The following AIRE variants were observed in gnomAD, a reference collection of about 807,000 sequenced individuals.
AIRE encodes autoimmune regulator, also known as autoimmune polyendocrinopathy candidiasis ectodermal dystrophy protein.
AIRE carries 52 observed loss-of-function variants against 62.1 expected under a neutral mutation model. The ratio of observed to expected loss-of-function variants is 0.84; its 90% confidence interval spans 0.67 to 1.06. The LOEUF is 1.06. AIRE is among the 50% of genes least tolerant of loss of function. The pLI, the probability that AIRE is intolerant of heterozygous loss-of-function variation, is 0.00. For missense variants in AIRE, 774 were observed against 755.8 expected, an observed-to-expected ratio of 1.02 and a Z score of -0.28; for synonymous variants, 342 against 321.6, an observed-to-expected ratio of 1.06 and a Z score of -0.68.
intron 10 of AIRE, among the ~76,000 whole-genome samples, chr21:44,293,566 T>C (rs1482920423): frequency 6.6e-6 from 1 of 152,082 alleles, no homozygotes; most frequent in Non-Finnish European, 1.5e-5. Flanking sequence ...GGCGCCAGGC[T>C]TGCAGGCAGC....
rs758813866 is a variant in AIRE at position 44,297,758 on chromosome 21, G to C, written c.*31G>C. 6.3e-7 allele frequency: 1 copy of C among 1,588,316 alleles called. No individual in the cohort carries two copies. The highest frequency in any genetic ancestry group is 1.1e-5 in the South Asian group (1 of 90,556). On this transcript the variant is annotated 3_prime_UTR_variant, in exon 14 of 14. Transcript: ENST00000291582. The surrounding 1 kb of genome is among the most constrained non-coding windows in gnomAD (Gnocchi z 4.8). ...GATGGCCGGGACATGCAGCTCTGAT[G>C]AGAGAGTGCTGAGAAGGACACCTCC... is the stretch of plus-strand genomic sequence containing the variant.
chr21:44,293,523 G>A (rs1332691178), intron 10 of AIRE, among the ~76,000 whole-genome samples: 5 of 152,088 alleles, frequency 3.3e-5, no homozygotes, highest in Non-Finnish European at 7.4e-5. Context: ...AGCCCCAAAG[G>A]AGGCCAGGCC....
rs776836665 is a variant in AIRE at position 44,286,706 on chromosome 21, G to A, written c.282G>A (p.Gln94=). 2 of 1,612,994 alleles carry A rather than the reference G, an allele frequency of 1.2e-6. No individual in the cohort carries two copies. Among genetic ancestry groups the A allele is most frequent in the African/African-American group, 1.3e-5 (1 of 75,052 alleles). ...DYNLERYGRL[Q]PILDSFPKDV... Reference sequence around the variant, plus strand: ...ACCTGGAGCGCTATGGCCGGCTGCAGCCCATCCTGGACAGCTTCCCCAAAG... The same window carrying A: ...ACCTGGAGCGCTATGGCCGGCTGCAACCCATCCTGGACAGCTTCCCCAAAG... Residue 94 remains glutamine, a synonymous_variant, in exon 2 of 14, where the codon CAG becomes CAA. Coordinates refer to ENST00000291582, the MANE Select transcript of AIRE (RefSeq NM_000383.4). This position sits in a 1 kb window ranked among gnomAD's most constrained non-coding sequence, Gnocchi z 6.0.
At chr21:44,295,894 T>C (rs1157617695) in intron 12 of AIRE, among the ~76,000 whole-genome samples, 1 of 152,166 alleles carries the variant, frequency 6.6e-6, no homozygotes, top group African/African-American at 2.4e-5. Flanking sequence ...GGGATGTGGC[T>C]GTTTGGGGCC....
rs1339946360 is a variant in AIRE at position 44,294,468 on chromosome 21, C to T, written c.1468C>T (p.Pro490Ser). ...TPAPVEGVLA[P>S]SPARLAPGPA... is the part of the protein sequence containing the mutation. ...AGCCCCTGTGGAGGGGGTGCTGGCCCCCAGCCCCGCCCGCCTGGCCCCTGG... is the reference window on the plus strand; with the variant it reads ...AGCCCCTGTGGAGGGGGTGCTGGCCTCCAGCCCCGCCCGCCTGGCCCCTGG... Residue 490 changes from proline to serine, a missense_variant, in exon 12 of 14, where the codon CCC becomes TCC. Coordinates refer to ENST00000291582, the MANE Select transcript of AIRE (RefSeq NM_000383.4). 1.3e-5 allele frequency: 20 copies of T among 1,551,338 alleles called. No homozygotes were observed. The highest frequency in any genetic ancestry group is 1.7e-5 in the Non-Finnish European group (20 of 1,155,380).
chr21:44,293,751 C>T (rs202083125), intron 10 of AIRE, 38 bp from the exon 11 acceptor site: 111 of 1,594,808 alleles, frequency 7.0e-5, no homozygotes, highest in Middle Eastern at 2.2e-4. Context: ...ACATTTCCCC[C>T]GGCCCCCCGC....
Position 44,286,579 on chromosome 21 carries a change from A to G in AIRE, c.155A>G (p.Lys52Arg). The G allele has an allele frequency of 6.2e-7, 1 of 1,611,126 alleles. No homozygotes were observed. Reference protein sequence around the residue: ...KFQETLHLKEKEGCPQAFHAL... With the variant: ...KFQETLHLKEREGCPQAFHAL... The stretch of plus-strand genomic sequence containing the variant: ...CAGGAGACGCTTCATCTGAAGGAAA[A>G]GGAGGGCTGCCCCCAGGCCTTCCAC... The change falls in exon 2 of 14, where the codon AAG (lysine) becomes AGG (arginine). Residue 52 changes from lysine to arginine, a missense_variant. This residue lies in a region of AIRE where 385 missense variants were observed against 396.0 expected (regional missense o/e 0.97). Coordinates refer to ENST00000291582, the MANE Select transcript of AIRE (RefSeq NM_000383.4). This position sits in a 1 kb window ranked among gnomAD's most constrained non-coding sequence, Gnocchi z 6.0.
chr21:44,289,461 G>A (rs762185030), intron 5 of AIRE, 196 bp from the exon 6 acceptor site: 11 of 655,970 alleles, frequency 1.7e-5, no homozygotes, highest in Non-Finnish European at 2.3e-5. Context: ...AACTTCGGGG[G>A]ACGCTGTTGA....
chr21:44,286,652 C>A lies in AIRE; in HGVS notation c.228C>A (p.Asp76Glu). The change falls in exon 2 of 14, where the codon GAC becomes GAA. Residue 76 changes from aspartate to glutamate, a missense_variant. By Grantham distance (45) the Asp-to-Glu change is conservative. Coordinates refer to ENST00000291582, the MANE Select transcript of AIRE (RefSeq NM_000383.4). This position sits in a 1 kb window ranked among gnomAD's most constrained non-coding sequence, Gnocchi z 6.0. ...LLTQDSTAIL[D>E]FWRVLFKDYN... The stretch of plus-strand genomic sequence containing the variant: ...CCCAGGACTCCACAGCCATCCTGGA[C>A]TTCTGGAGGGTGCTGTTCAAGGACT... 1 of 1,613,086 alleles carries A rather than the reference C, an allele frequency of 6.2e-7. No individual in the cohort carries two copies. Among genetic ancestry groups the A allele is most frequent in the South Asian group, 1.1e-5 (1 of 91,080 alleles).
At chr21:44,296,561 GAAACTCA>G in intron 13 of AIRE, 116 bp downstream of exon 13, 1 of 1,041,878 alleles carries the variant, frequency 9.6e-7, no homozygotes, top group Non-Finnish European at 1.5e-6. Flanking sequence ...TTGAGCCGTG[GAAACTCA>G]GGCTGTCCCT....
intron 9 of AIRE, 127 bp from the exon 10 acceptor site, chr21:44,292,865 GC>G: frequency 1.3e-6 from 1 of 766,962 alleles, no homozygotes; most frequent in Non-Finnish European, 2.2e-6. Context: ...CCAGCCCTCC[GC>G]CCCCACCATG....
At position 44,288,336 on chromosome 21, in the gene AIRE, C is replaced by G. The variant is rs757848836; in HGVS notation, c.539-9C>G. ...CACGGGTGACCCCAATGGGTGTTCCCTTTCCCAGGGATTCAGACCATGTCA... is the reference window on the plus strand; with the variant it reads ...CACGGGTGACCCCAATGGGTGTTCCGTTTCCCAGGGATTCAGACCATGTCA... On this transcript the variant is annotated splice_polypyrimidine_tract_variant and intron_variant, in intron 4 of 13. Transcript: ENST00000291582. 6.3e-7 allele frequency: 1 copy of G among 1,591,492 alleles called. No homozygotes were observed. The highest frequency in any genetic ancestry group is 8.6e-7 in the Non-Finnish European group (1 of 1,160,422).
rs121434256 is a variant in AIRE at position 44,287,085 on chromosome 21, C to G, written c.415C>G (p.Arg139Gly). ...CAAGAGGAAGGCCTCAGAAGAGGCTCGAGCTGCCGCGCCAGCAGCCCTGAC... is the reference window on the plus strand; with the variant it reads ...CAAGAGGAAGGCCTCAGAAGAGGCTGGAGCTGCCGCGCCAGCAGCCCTGAC... ...PTKRKASEEA[R>G]AAAPAALTPR... Residue 139 changes from arginine to glycine, a missense_variant, in exon 3 of 14, where the codon CGA becomes GGA. Physicochemically the swap from Arg to Gly is moderately radical, Grantham distance 125 (BLOSUM62 -2). Transcript: ENST00000291582. This position sits in a 1 kb window ranked among gnomAD's most constrained non-coding sequence, Gnocchi z 4.3. The G allele has an allele frequency of 2.5e-5, 41 of 1,612,098 alleles. No homozygotes were observed. In the African/African-American group the frequency reaches 4.3e-4, roughly 17 times the overall value.
Position 44,287,074 on chromosome 21 carries a change from C to T in AIRE, c.404C>T (p.Ser135Leu), listed in dbSNP as rs2040489630. The T allele has an allele frequency of 6.2e-7, 1 of 1,612,770 alleles. No individual in the cohort carries two copies. Among genetic ancestry groups the T allele is most frequent in the Non-Finnish European group, 8.5e-7 (1 of 1,179,982 alleles). ...PPRLPTKRKA[S>L]EEARAAAPAA... The stretch of plus-strand genomic sequence containing the variant: ...AGACTCCCCACCAAGAGGAAGGCCT[C>T]AGAAGAGGCTCGAGCTGCCGCGCCA... The change falls in exon 3 of 14, where the codon TCA becomes TTA. Residue 135 changes from serine to leucine, a missense_variant. Around this residue, in one of 3 missense-constraint regions of AIRE, gnomAD observed 385 missense variants for 396.0 expected, o/e 0.97. Coordinates refer to ENST00000291582, the MANE Select transcript of AIRE (RefSeq NM_000383.4). The surrounding 1 kb of genome is among the most constrained non-coding windows in gnomAD (Gnocchi z 4.3).
Position 44,297,732 on chromosome 21 carries a change from A to G in AIRE, c.*5A>G. 6.2e-7 allele frequency: 1 copy of G among 1,609,054 alleles called. No individual in the cohort carries two copies. Among genetic ancestry groups the G allele is most frequent in the Non-Finnish European group, 8.5e-7 (1 of 1,176,820 alleles). On this transcript the variant is annotated 3_prime_UTR_variant, in exon 14 of 14. Coordinates refer to ENST00000291582, the MANE Select transcript of AIRE (RefSeq NM_000383.4). This position sits in a 1 kb window ranked among gnomAD's most constrained non-coding sequence, Gnocchi z 4.8. ...GCGGCCCCCTTCCCCTCCTGACCCC[A>G]GATGGCCGGGACATGCAGCTCTGAT...
In AIRE at chr21:44,285,974, T is replaced by A. The variant is rs1281576162; in HGVS notation, c.-33T>A. On this transcript the variant is annotated 5_prime_UTR_variant, in exon 1 of 14. Coordinates refer to ENST00000291582, the MANE Select transcript of AIRE (RefSeq NM_000383.4). ...TGCCAGTGTCCCGGGACCCACCGCG[T>A]CCGCCCCAGCCCCGGGTCCCCGCGC... is the stretch of plus-strand genomic sequence containing the variant. The A allele has an allele frequency of 6.6e-7, 1 of 1,520,248 alleles. No homozygotes were observed. Among genetic ancestry groups the A allele is most frequent in the Admixed American group, 2.0e-5 (1 of 50,274 alleles). The allele number at this position is 1,520,248 out of a possible 1,614,324, so 94.2% of individuals were successfully genotyped here. A position where few individuals can be genotyped will look rare whatever the true frequency, so the allele number is the denominator to read the frequency against.
chr21:44,294,045 C>A, intron 11 of AIRE, 135 bp downstream of exon 11: 4 of 1,223,186 alleles, frequency 3.3e-6, no homozygotes, highest in Non-Finnish European at 4.5e-6. Context: ...CACCTTGCAC[C>A]CCACCCCACA....
chr21:44,293,725 G>C (rs866828213), intron 10 of AIRE, 64 bp from the exon 11 acceptor site: 3 of 1,591,722 alleles, frequency 1.9e-6, no homozygotes, highest in Admixed American at 1.7e-5. Context: ...CACAGGGCTC[G>C]GGTTCGGGTT....
At position 44,294,459 on chromosome 21, in the gene AIRE, G is replaced by T. The variant is rs1367034270; in HGVS notation, c.1459G>T (p.Val487Leu). Reference sequence around the variant, plus strand: ...CGTGACCCCAGCCCCTGTGGAGGGGGTGCTGGCCCCCAGCCCCGCCCGCCT... The same window carrying T: ...CGTGACCCCAGCCCCTGTGGAGGGGTTGCTGGCCCCCAGCCCCGCCCGCCT... ...GDVTPAPVEG[V>L]LAPSPARLAP... Residue 487 changes from valine (V) to leucine (L), a missense_variant, in exon 12 of 14, where the codon GTG (valine) becomes TTG (leucine). This residue lies in a region of AIRE where 354 missense variants were observed against 296.1 expected (regional missense o/e 1.20). Transcript: ENST00000291582. The T allele has an allele frequency of 3.2e-6, 5 of 1,564,136 alleles. No individual in the cohort carries two copies. Among genetic ancestry groups the T allele is most frequent in the Admixed American group, 1.8e-5 (1 of 55,578 alleles).
Sources: gnomAD v4.1 joint callset for allele counts (sites outside exome capture counted in the v4.1 genomes callset) on GRCh38, gnomAD v4.1.1 for gene constraint, gnomAD v4.1.1 regional missense constraint, Gnocchi (gnomAD v3.1) non-coding constraint, MANE v1.5 for transcripts, NCBI Gene and HGNC (gene_info 2026-07-23, HGNC 2026-07-21) for gene names.